Variants in TERF2 observed in about 807,000 individuals in gnomAD.
TERF2 encodes telomeric repeat binding factor 2.
In TERF2, 16 loss-of-function variants were observed where a neutral mutation model predicts 56.1. The ratio of observed to expected loss-of-function variants is 0.29; its 90% confidence interval spans 0.19 to 0.43. The LOEUF is 0.43. Ranked by LOEUF, TERF2 falls within the 20% of genes least tolerant of loss-of-function variation. The pLI is 1.00. For missense variants in TERF2, 547 were observed against 712.9 expected, an observed-to-expected ratio of 0.77 and a Z score of 2.65; for synonymous variants, 296 against 282.1, an observed-to-expected ratio of 1.05 and a Z score of -0.50.
intron 3 of TERF2, among the ~76,000 whole-genome samples, chr16:69,373,634 C>T (rs930389578): frequency 2.0e-5 from 3 of 152,054 alleles, no homozygotes; most frequent in African/African-American, 7.2e-5. Context: ...GAGTTTGAGA[C>T]CAGCCTGGGG....
chr16:69,380,952 C>A (rs1055531064), intron 3 of TERF2, among the ~76,000 whole-genome samples: 2 of 151,750 alleles, frequency 1.3e-5, no homozygotes, highest in South Asian at 4.2e-4. Flanking sequence ...CAGGTGCCCA[C>A]CACCACGCCT....
In TERF2 at chr16:69,368,407, G is replaced by A; in HGVS notation, c.916C>T (p.Pro306Ser). ...GGTTCTCTGGGTGGCTTTTCCACAG[G>A]CCCTGGTGCTGGCTGTTTATCTTCC... is the stretch of plus-strand genomic sequence containing the variant. The part of the protein sequence containing the change: ...GKEDKQPAPG[P>S]VEKPPREPAR... The change falls in exon 6 of 10, where the codon CCT becomes TCT. Residue 306 changes from proline (P) to serine (S), a missense_variant. Pro to Ser is a moderately conservative substitution (Grantham distance 74). Transcript: ENST00000254942. The A allele has an allele frequency of 6.2e-7, 1 of 1,614,098 alleles. No individual in the cohort carries two copies. The highest frequency in any genetic ancestry group is 2.2e-5 in the East Asian group (1 of 44,882).
intron 8 of TERF2, among the ~76,000 whole-genome samples, chr16:69,360,253 G>A (rs969893905): frequency 1.2e-4 from 18 of 151,564 alleles, no homozygotes; most frequent in Non-Finnish European, 2.2e-4. Context: ...GGCGTGGTGC[G>A]ACACACCTGC....
intron 8 of TERF2, among the ~76,000 whole-genome samples, chr16:69,360,548 A>T (rs1174563599): frequency 2.0e-5 from 3 of 151,872 alleles, no homozygotes; most frequent in Non-Finnish European, 2.9e-5. Context: ...TACTAAAAAT[A>T]CAAAAAAAGA....
intron 3 of TERF2, among the ~76,000 whole-genome samples, chr16:69,372,604 A>C (rs1597252533): frequency 6.6e-6 from 1 of 152,128 alleles, no homozygotes; most frequent in Admixed American, 6.6e-5. Context: ...CTCTACTAAA[A>C]ATACAAAATT....
At chr16:69,385,555 C>T (rs774349251) in intron 1 of TERF2, 38 bp downstream of exon 1, 2 of 1,548,024 alleles carry the variant, frequency 1.3e-6, no homozygotes, top group South Asian at 2.2e-5. Flanking sequence ...ACCCCCTTCC[C>T]CGGCGCTCCA....
At position 69,385,739 on chromosome 16, in the gene TERF2, C is replaced by T; in HGVS notation, c.233G>A (p.Gly78Glu). 6.6e-7 allele frequency: 1 copy of T among 1,511,052 alleles called. No individual in the cohort carries two copies. Among genetic ancestry groups the T allele is most frequent in the Non-Finnish European group, 8.8e-7 (1 of 1,134,182 alleles). 93.6% of individuals were successfully genotyped at this position (1,511,052 alleles called of 1,614,324 possible). ...CCCCGCGCCGCGCTCCGCCGGGCCC[C>T]CCAGCCCCGGCTCGTGGCGCCCCCG... is the stretch of plus-strand genomic sequence containing the variant. ...ARRGRHEPGLGGPAERGAGEA... is the reference protein window; with the variant it reads ...ARRGRHEPGLEGPAERGAGEA... Residue 78 changes from glycine to glutamate, a missense_variant, in exon 1 of 10, where the codon GGG becomes GAG. Around this residue, in one of 6 missense-constraint regions of TERF2, gnomAD observed 120 missense variants for 172.4 expected, o/e 0.70. Transcript: ENST00000254942.
At chr16:69,385,560 G>GGGGC in intron 1 of TERF2, 33 bp downstream of exon 1, 2 of 1,517,800 alleles carry the variant, frequency 1.3e-6, no homozygotes, top group Non-Finnish European at 1.8e-6. Flanking sequence ...CTTCCCCGGC[G>GGGGC]CTCCAACCCC....
chr16:69,360,987 C>G (rs768577918), intron 8 of TERF2, among the ~76,000 whole-genome samples: 2 of 152,038 alleles, frequency 1.3e-5, no homozygotes, highest in Non-Finnish European at 2.9e-5. Context: ...AATCCCAGCA[C>G]TCTGGGAGGC....
rs1240849476 is a variant in TERF2 at position 69,356,292 on chromosome 16, C to A, written c.*606G>T. ...CCTAGGAGAAGGTTCTACAGATTAC[C>A]AGGGATTTAAATTTAAGCAAACCAC... On this transcript the variant is annotated 3_prime_UTR_variant, in exon 10 of 10. Coordinates refer to ENST00000254942, the MANE Select transcript of TERF2 (RefSeq NM_005652.5). The A allele has an allele frequency of 9.5e-6, 4 of 421,374 alleles. No individual in the cohort carries two copies. In the East Asian group the frequency reaches 2.9e-4, roughly 31 times the overall value. The allele number at this position is 421,374 out of a possible 1,614,324, so 26.1% of individuals were successfully genotyped here. A position where few individuals can be genotyped will look rare whatever the true frequency, so the allele number is the denominator to read the frequency against.
chr16:69,373,144 A>T (rs1048594546), intron 3 of TERF2, among the ~76,000 whole-genome samples: 4 of 152,222 alleles, frequency 2.6e-5, no homozygotes, highest in Non-Finnish European at 5.9e-5. Flanking sequence ...CCAGTTCTGT[A>T]GGAGAATGAA....
At chr16:69,376,771 G>C (rs1407428407) in intron 3 of TERF2, among the ~76,000 whole-genome samples, 2 of 147,056 alleles carry the variant, frequency 1.4e-5, no homozygotes, top group African/African-American at 5.1e-5. Context: ...AAAGTGGGAA[G>C]AGCACCTGAG....
intron 7 of TERF2, among the ~76,000 whole-genome samples, chr16:69,362,622 T>C (rs997231404): frequency 1.3e-5 from 2 of 152,130 alleles, no homozygotes; most frequent in Admixed American, 6.6e-5. Context: ...AATGCTTGGG[T>C]GTGGCTAAAA....
At chr16:69,357,363 G>A (rs1174547992) in intron 9 of TERF2, among the ~76,000 whole-genome samples, 155 bp downstream of exon 9, 1 of 152,162 alleles carries the variant, frequency 6.6e-6, no homozygotes, top group East Asian at 1.9e-4. Flanking sequence ...TCTTCCAGAA[G>A]ATAATTATTA....
At chr16:69,357,404 T>C in intron 9 of TERF2, 114 bp downstream of exon 9, 1 of 845,056 alleles carries the variant, frequency 1.2e-6, no homozygotes, top group South Asian at 1.8e-5. Context: ...TCTGAAAATC[T>C]CAAAAAAAGG....
intron 7 of TERF2, among the ~76,000 whole-genome samples, chr16:69,364,603 A>G (rs1317798878): frequency 1.3e-5 from 2 of 151,830 alleles, no homozygotes; most frequent in Non-Finnish European, 2.9e-5. Context: ...CATAGGCTCC[A>G]TGACACTCTG....
intron 5 of TERF2, among the ~76,000 whole-genome samples, chr16:69,369,296 C>T (rs2013477972): frequency 6.6e-6 from 1 of 152,114 alleles, no homozygotes; most frequent in African/African-American, 2.4e-5. Flanking sequence ...ATGGGCCTGG[C>T]AGATCTGTTA....
At position 69,366,907 on chromosome 16, in the gene TERF2, C is replaced by T; in HGVS notation, c.1240G>A (p.Glu414Lys). ...GAGGAGTTGAGGCCTGCGCTGGGCT[C>T]AGTACTCTGGCTGTCCTCCTCCAAG... ...LVLEEDSQST[E>K]PSAGLNSSQE... is the part of the protein sequence containing the mutation. The change falls in exon 7 of 10, where the codon GAG (glutamate) becomes AAG (lysine). Residue 414 changes from glutamate to lysine, a missense_variant. Glu to Lys is a moderately conservative substitution (Grantham distance 56, BLOSUM62 1). Transcript: ENST00000254942. 1.2e-6 allele frequency: 2 copies of T among 1,614,180 alleles called. No homozygotes were observed. Among genetic ancestry groups the T allele is most frequent in the East Asian group, 4.5e-5 (2 of 44,890 alleles).
At chr16:69,382,402 AAAT>A (rs1339637095) in intron 3 of TERF2, among the ~76,000 whole-genome samples, 1 of 152,244 alleles carries the variant, frequency 6.6e-6, no homozygotes. Context: ...GAGATGGATG[AAAT>A]AATATCATTT....
Sources: gnomAD v4.1 joint callset for allele counts (sites outside exome capture counted in the v4.1 genomes callset) on GRCh38, gnomAD v4.1.1 for gene constraint, gnomAD v4.1.1 regional missense constraint, MANE v1.5 for transcripts, NCBI Gene and HGNC (gene_info 2026-07-23, HGNC 2026-07-21) for gene names.